Variants in TPD52L1 observed in about 807,000 individuals in gnomAD.
TPD52L1 encodes tumor protein D53.
Under a neutral mutation model 28.7 loss-of-function variants are expected in TPD52L1, and 18 were observed. The observed-to-expected ratio is 0.63, with a 90% CI of 0.43 to 0.93. The LOEUF (loss-of-function observed/expected upper bound fraction) is 0.93, where lower values mean the gene tolerates loss of function less well. Ranked by LOEUF, TPD52L1 falls within the 40% of genes least tolerant of loss-of-function variation. The pLI is 0.00. For synonymous variants in TPD52L1, 75 were observed against 88.8 expected (o/e 0.84, Z 0.88); for missense variants, 203 against 254.8 (o/e 0.80, Z 1.39).
At chr6:125,218,536 C>G (rs1795026314) in intron 1 of TPD52L1, among the ~76,000 whole-genome samples, 1 of 152,156 alleles carries the variant, frequency 6.6e-6, no homozygotes, top group Non-Finnish European at 1.5e-5. Flanking sequence ...ATATCTTCTT[C>G]CAATTAGTGG....
At chr6:125,260,648 T>C (rs1025905776) in intron 6 of TPD52L1, among the ~76,000 whole-genome samples, 5 of 151,534 alleles carry the variant, frequency 3.3e-5, no homozygotes, top group African/African-American at 1.2e-4. Context: ...CTACTAAAAA[T>C]ACAAAAATTT....
chr6:125,262,803 A>G, intron 6 of TPD52L1, 31 bp from the exon 7 acceptor site: 1 of 1,583,614 alleles, frequency 6.3e-7, no homozygotes, highest in Admixed American at 1.9e-5. Context: ...AGTAACAACT[A>G]ACTGCATTTT....
At chr6:125,242,675 G>A (rs1353003439) in intron 3 of TPD52L1, among the ~76,000 whole-genome samples, 4 of 152,012 alleles carry the variant, frequency 2.6e-5, no homozygotes, top group African/African-American at 9.7e-5. Context: ...TTAAGTTGAT[G>A]TGATTCCTTT....
chr6:125,252,207 A>T, intron 4 of TPD52L1: 1 of 644,538 alleles, frequency 1.6e-6, no homozygotes, highest in Non-Finnish European at 2.6e-6. Context: ...AATACATTTG[A>T]ACTTATTGAA....
At chr6:125,224,470 CCTCTCTCT>C (rs58505448) in intron 2 of TPD52L1, among the ~76,000 whole-genome samples, 1 of 143,278 alleles carries the variant, frequency 7.0e-6, no homozygotes, top group Non-Finnish European at 1.5e-5. Flanking sequence ...AGGCTCTGGG[CCTCTCTCT>C]CTCTCTCTCT....
At chr6:125,224,975 A>G (rs375677080) in intron 2 of TPD52L1, among the ~76,000 whole-genome samples, 10 of 152,300 alleles carry the variant, frequency 6.6e-5, no homozygotes, top group African/African-American at 2.4e-4. Flanking sequence ...ATCTGAAAGG[A>G]AACTTGTACT....
chr6:125,186,358 A>T (rs1337240055), intron 1 of TPD52L1, among the ~76,000 whole-genome samples: 1 of 152,202 alleles, frequency 6.6e-6, no homozygotes, highest in Non-Finnish European at 1.5e-5. Flanking sequence ...TATGACTGTG[A>T]TCCAACAAAC....
chr6:125,206,151 A>C (rs928987285), intron 1 of TPD52L1, among the ~76,000 whole-genome samples: 2 of 152,168 alleles, frequency 1.3e-5, no homozygotes, highest in African/African-American at 4.8e-5. Context: ...AATGAAACCA[A>C]AGCTTTAGAC....
At chr6:125,155,020 G>A (rs546089097) in intron 1 of TPD52L1, among the ~76,000 whole-genome samples, 1 of 152,342 alleles carries the variant, frequency 6.6e-6, no homozygotes, top group East Asian at 1.9e-4. Context: ...CGATTGCGTG[G>A]GCCTGGAGTC....
chr6:125,154,447 G>A, intron 1 of TPD52L1: 1 of 987,104 alleles, frequency 1.0e-6, no homozygotes, highest in South Asian at 4.7e-5. Flanking sequence ...CCGCAGCCCG[G>A]CTGCGCGAGA....
At chr6:125,186,057 C>A (rs1056319199) in intron 1 of TPD52L1, among the ~76,000 whole-genome samples, 7 of 151,928 alleles carry the variant, frequency 4.6e-5, no homozygotes, top group Admixed American at 1.3e-4. Flanking sequence ...CCACGCCCGG[C>A]TAATTTTTGT....
chr6:125,227,483 C>T (rs1266621099), intron 2 of TPD52L1, among the ~76,000 whole-genome samples: 2 of 151,948 alleles, frequency 1.3e-5, no homozygotes, highest in South Asian at 2.1e-4. Context: ...GCTTGTGGTC[C>T]GAAGTAGAGT....
In TPD52L1 at chr6:125,220,226, A is replaced by G. The variant is rs202148662; in HGVS notation, c.135+33A>G. On this transcript the variant is annotated intron_variant, in intron 2 of 6. Coordinates refer to ENST00000534000, the MANE Select transcript of TPD52L1 (RefSeq NM_003287.4). Reference sequence around the variant, plus strand: ...TAGTAATCTTATTGTTGCTATTTCTATCTCTGGATCTTAAGAGTTATTATT... The same window carrying G: ...TAGTAATCTTATTGTTGCTATTTCTGTCTCTGGATCTTAAGAGTTATTATT... The G allele has an allele frequency of 6.6e-4, 893 of 1,344,850 alleles. 1 individual carries two copies. The highest frequency in any genetic ancestry group is 1.2e-3 in the Admixed American group (69 of 59,012). The allele number at this position is 1,344,850 out of a possible 1,614,324, so 83.3% of individuals were successfully genotyped here.
Position 125,233,892 on chromosome 6 carries a change from T to C in TPD52L1, c.284+4626T>C, listed in dbSNP as rs141338413. On this transcript the variant is annotated intron_variant, in intron 3 of 6. Coordinates refer to ENST00000534000, the MANE Select transcript of TPD52L1 (RefSeq NM_003287.4). The stretch of plus-strand genomic sequence containing the variant: ...GACTTTGCATGAAAAGTCAACAGAA[T>C]GCTTTTTATTTGGCTTGCAGAGACC... Among the ~76,000 whole-genome samples the C allele has an allele frequency of 3.9e-3, 595 of 152,340 alleles. 3 individuals carry two copies. Among genetic ancestry groups the C allele is most frequent in the African/African-American group, 0.014 (585 of 41,586 alleles).
intron 1 of TPD52L1, chr6:125,203,807 C>G: frequency 1.0e-6 from 1 of 985,292 alleles, no homozygotes; most frequent in Non-Finnish European, 1.2e-6. Flanking sequence ...GTATTTCTGG[C>G]TTTCATTGTA....
intron 1 of TPD52L1, among the ~76,000 whole-genome samples, chr6:125,212,721 A>C (rs1794603641): frequency 6.6e-6 from 1 of 152,238 alleles, no homozygotes; most frequent in African/African-American, 2.4e-5. Context: ...AGGTCCCATG[A>C]ATGCAGGTCT....
chr6:125,192,787 C>T (rs1582898222), intron 1 of TPD52L1, among the ~76,000 whole-genome samples: 1 of 152,162 alleles, frequency 6.6e-6, no homozygotes. Flanking sequence ...CATATGGACT[C>T]ACCTGTCTCA....
chr6:125,252,105 C>T (rs1797309782), intron 4 of TPD52L1: 1 of 1,516,550 alleles, frequency 6.6e-7, no homozygotes, highest in South Asian at 1.2e-5. Context: ...TCCAGGGCTC[C>T]CTGTTTCTTT....
At chr6:125,183,514 T>C (rs1158848022) in intron 1 of TPD52L1, among the ~76,000 whole-genome samples, 1 of 152,064 alleles carries the variant, frequency 6.6e-6, no homozygotes, top group African/African-American at 2.4e-5. Flanking sequence ...AATGAAATGA[T>C]AGGCTATATG....
Sources: allele counts gnomAD v4.1 joint callset (sites outside exome capture counted in the v4.1 genomes callset), GRCh38; gene constraint gnomAD v4.1.1; transcripts MANE v1.5; gene names NCBI Gene and HGNC (gene_info 2026-07-23, HGNC 2026-07-21).